Variants in DMRT1 observed in about 807,000 individuals in gnomAD.
DMRT1 encodes doublesex and mab-3 related transcription factor 1, also known as doublesex- and mab-3-related transcription factor 1.
DMRT1 carries 7 observed loss-of-function variants against 32.3 expected under a neutral mutation model. That is an observed-to-expected ratio of 0.22 (90% CI 0.12 to 0.41). The LOEUF (loss-of-function observed/expected upper bound fraction) is 0.41. DMRT1 is among the 10% of genes least tolerant of loss of function. The probability of loss-of-function intolerance (pLI) is 1.00; values close to 1 mark genes in which losing one functional copy is unlikely to be tolerated. For missense variants in DMRT1, 625 were observed against 500.5 expected (o/e 1.25, Z -2.37); for synonymous variants, 278 against 206.1 (o/e 1.35, Z -2.99).
In DMRT1 at chr9:903,121, A is replaced by G. The variant is rs139293029; in HGVS notation, c.822+8926A>G. On this transcript the variant is annotated intron_variant, in intron 3 of 4. Transcript: ENST00000382276. ...TGCCTATGATGTTTTCTTCTGCAAC[A>G]TAATTCCTCATTAGGTTCCTCTCTT... 1.1e-4 allele frequency among the ~76,000 whole-genome samples: 16 copies of G among 152,320 alleles called. No homozygotes were observed. The East Asian group carries it at 3.1e-3, about 29-fold the overall frequency.
chr9:909,385 C>T (rs184300685), intron 3 of DMRT1, among the ~76,000 whole-genome samples: 6 of 152,204 alleles, frequency 3.9e-5, no homozygotes, highest in East Asian at 3.9e-4. Context: ...AGAAGGTGAA[C>T]GGGGCTTTTT....
intron 4 of DMRT1, among the ~76,000 whole-genome samples, chr9:958,362 G>T (rs1819664726): frequency 6.6e-6 from 1 of 152,186 alleles, no homozygotes; most frequent in African/African-American, 2.4e-5. Context: ...TAATTGCAAA[G>T]TGTCAGAATA....
intron 2 of DMRT1, among the ~76,000 whole-genome samples, chr9:856,365 G>A (rs576931430): frequency 6.6e-6 from 1 of 152,212 alleles, no homozygotes; most frequent in South Asian, 2.1e-4. Flanking sequence ...ACAAGAATCT[G>A]GTTTTGGAAC....
At chr9:853,676 T>C (rs1395682307) in intron 2 of DMRT1, among the ~76,000 whole-genome samples, 1 of 152,080 alleles carries the variant, frequency 6.6e-6, no homozygotes, top group Non-Finnish European at 1.5e-5. Context: ...CACTAATTTT[T>C]ATATCTTTGG....
At chr9:874,258 G>A (rs1045002119) in intron 2 of DMRT1, among the ~76,000 whole-genome samples, 4 of 152,154 alleles carry the variant, frequency 2.6e-5, no homozygotes, top group African/African-American at 9.7e-5. Flanking sequence ...TTGAGATGGT[G>A]TAAGTTTTGA....
At chr9:917,058 T>G in intron 4 of DMRT1, 151 bp downstream of exon 4, 1 of 898,732 alleles carries the variant, frequency 1.1e-6, no homozygotes, top group South Asian at 1.4e-5. Flanking sequence ...TTTAAAGAAT[T>G]TAGTTATAAA....
chr9:891,025 T>C (rs922736270), intron 2 of DMRT1, among the ~76,000 whole-genome samples: 1 of 151,448 alleles, frequency 6.6e-6, no homozygotes, highest in Non-Finnish European at 1.5e-5. Context: ...GCCACCGCGC[T>C]CAGCCTTAAA....
chr9:868,755 A>G (rs534763116), intron 2 of DMRT1, among the ~76,000 whole-genome samples: 2 of 152,358 alleles, frequency 1.3e-5, no homozygotes, highest in Admixed American at 6.5e-5. Flanking sequence ...CATGCCTATA[A>G]TCCCAGCACT....
rs1425531884 is a variant in DMRT1 at position 965,810 on chromosome 9, A to C, written c.968-2175A>C. On this transcript the variant is annotated intron_variant, in intron 4 of 4. Coordinates refer to ENST00000382276, the MANE Select transcript of DMRT1 (RefSeq NM_021951.3). This position sits in a 1 kb window ranked among gnomAD's most constrained non-coding sequence, Gnocchi z 4.5. ...AGAAGGTTGGTGCAGGGGCCAGAGC[A>C]CGCCAGAGTCAGCCTAATCAGTACA... Among the ~76,000 whole-genome samples, 1 of 152,220 alleles carries C rather than the reference A, an allele frequency of 6.6e-6. No individual in the cohort carries two copies. Among genetic ancestry groups the C allele is most frequent in the Non-Finnish European group, 1.5e-5 (1 of 68,038 alleles).
Position 884,547 on chromosome 9 carries a change from A to T in DMRT1, c.539-9365A>T, listed in dbSNP as rs540398862. 3.3e-5 allele frequency among the ~76,000 whole-genome samples: 5 copies of T among 152,334 alleles called. No homozygotes were observed. In the East Asian group the frequency reaches 9.6e-4, roughly 29 times the overall value. ...AGTGAGCTCTGTTATGGTCTGTGGG[A>T]CAAATGCTATTGGTAATTTTTCCAG... On this transcript the variant is annotated intron_variant, in intron 2 of 4. Coordinates refer to ENST00000382276, the MANE Select transcript of DMRT1 (RefSeq NM_021951.3).
intron 4 of DMRT1, among the ~76,000 whole-genome samples, chr9:933,322 A>AG (rs768778290): frequency 2.0e-5 from 3 of 152,198 alleles, no homozygotes; most frequent in Non-Finnish European, 4.4e-5. Flanking sequence ...AGAATAAAAG[A>AG]GGCTTCTACA....
At chr9:891,513 AC>A (rs1485736090) in intron 2 of DMRT1, among the ~76,000 whole-genome samples, 1 of 145,312 alleles carries the variant, frequency 6.9e-6, no homozygotes, top group Non-Finnish European at 1.5e-5. Context: ...TGGAGGTTTT[AC>A]TTTTTTTTTT....
intron 2 of DMRT1, among the ~76,000 whole-genome samples, chr9:867,023 A>AG (rs1461486424): frequency 6.6e-6 from 1 of 152,168 alleles, no homozygotes; most frequent in East Asian, 1.9e-4. Flanking sequence ...GAGAGAATCC[A>AG]GGGGAAGGGC....
intron 4 of DMRT1, among the ~76,000 whole-genome samples, chr9:958,455 C>T (rs1165144251): frequency 6.6e-6 from 1 of 152,182 alleles, no homozygotes; most frequent in Admixed American, 6.5e-5. Context: ...CAACCTCCAC[C>T]TCCTGGCTTC....
intron 1 of DMRT1, among the ~76,000 whole-genome samples, chr9:844,715 C>CTTTTTT (rs1170214043): frequency 1.4e-4 from 19 of 135,696 alleles, no homozygotes; most frequent in African/African-American, 4.7e-4. Context: ...TTCTTTCTTT[C>CTTTTTT]TTTCTTTTTT....
rs558278455 is a variant in DMRT1 at position 876,894 on chromosome 9, A to G, written c.539-17018A>G. Among the ~76,000 whole-genome samples the G allele has an allele frequency of 5.8e-5, 8 of 138,290 alleles. No individual in the cohort carries two copies. In the East Asian group the frequency reaches 6.3e-4, roughly 11 times the overall value. 90.7% of individuals were successfully genotyped at this position (138,290 alleles called of 152,430 possible). A position where few individuals can be genotyped will look rare whatever the true frequency, so the allele number is the denominator to read the frequency against. On this transcript the variant is annotated intron_variant, in intron 2 of 4. Transcript: ENST00000382276. ...CTCCCTTTTCCCCTTCTGACACGGC[A>G]TGGTAGACAAGTGTGAGGTCTCAGA... is the stretch of plus-strand genomic sequence containing the variant.
Position 879,265 on chromosome 9 carries a change from C to T in DMRT1, c.539-14647C>T, listed in dbSNP as rs116215324. 7.8e-3 allele frequency among the ~76,000 whole-genome samples: 1,181 copies of T among 151,916 alleles called. 16 individuals carry two copies. The highest frequency in any genetic ancestry group is 0.027 in the African/African-American group (1,126 of 41,406). ...TTTTATTTATGTGGGTTATATCTAT[C>T]GATACCATACTGGAAACTAAAATTG... On this transcript the variant is annotated intron_variant, in intron 2 of 4. Coordinates refer to ENST00000382276, the MANE Select transcript of DMRT1 (RefSeq NM_021951.3).
intron 4 of DMRT1, among the ~76,000 whole-genome samples, chr9:932,314 G>C (rs891340067): frequency 6.6e-6 from 1 of 152,170 alleles, no homozygotes; most frequent in African/African-American, 2.4e-5. Flanking sequence ...TTTCCTGGCA[G>C]ATACAGCAGA....
chr9:897,016 A>C (rs1223161243), intron 3 of DMRT1, among the ~76,000 whole-genome samples: 1 of 151,920 alleles, frequency 6.6e-6, no homozygotes, highest in African/African-American at 2.4e-5. Context: ...CTTCTTGGGC[A>C]TATTAAAATG....
Sources: gnomAD v4.1 joint callset for allele counts (sites outside exome capture counted in the v4.1 genomes callset) on GRCh38, gnomAD v4.1.1 for gene constraint, Gnocchi (gnomAD v3.1) non-coding constraint, MANE v1.5 for transcripts, NCBI Gene and HGNC (gene_info 2026-07-23, HGNC 2026-07-21) for gene names.